The following ADCY3 variants were observed in gnomAD, a reference collection of about 807,000 sequenced individuals.
ADCY3 encodes adenylate cyclase type 3.
Under a neutral mutation model 119.4 loss-of-function variants are expected in ADCY3, and 70 were observed. That is an observed-to-expected ratio of 0.59 (90% CI 0.48 to 0.72). The LOEUF (loss-of-function observed/expected upper bound fraction) is 0.72, where lower values mean the gene tolerates loss of function less well. Among genes scored for constraint, ADCY3 ranks in the 30% least tolerant of loss-of-function variants. The probability of loss-of-function intolerance (pLI) is 0.00; values close to 1 mark genes in which losing one functional copy is unlikely to be tolerated. For synonymous variants in ADCY3, 672 were observed against 621.4 expected, an observed-to-expected ratio of 1.08 and a Z score of -1.21; for missense variants, 1,238 against 1,541.6, an observed-to-expected ratio of 0.80 and a Z score of 3.30.
At position 24,898,268 on chromosome 2, in the gene ADCY3, C is replaced by T. The variant is rs960361601; in HGVS notation, c.675+20045G>A. On this transcript the variant is annotated intron_variant, in intron 2 of 21. Transcript: ENST00000679454. This position sits in a 1 kb window ranked among gnomAD's most constrained non-coding sequence, Gnocchi z 4.3. ...TCTCTCCACTCTCCCAGTTCGTGCG[C>T]CACAGAGGCCCCCGGGGAGGCTCGA... Among the ~76,000 whole-genome samples the T allele has an allele frequency of 6.6e-6, 1 of 152,132 alleles. No homozygotes were observed. Among genetic ancestry groups the T allele is most frequent in the Admixed American group, 6.6e-5 (1 of 15,264 alleles).
rs899046003 is a variant in ADCY3 at position 24,898,443 on chromosome 2, G to A, written c.675+19870C>T. ...GGCTGTCCTCGGGGAGAGGGGCTTC[G>A]TGTACTTCACACAGTGCTTCATGAA... On this transcript the variant is annotated intron_variant, in intron 2 of 21. Coordinates refer to ENST00000679454, the MANE Select transcript of ADCY3 (RefSeq NM_004036.5). The surrounding 1 kb of genome is among the most constrained non-coding windows in gnomAD (Gnocchi z 4.3). Among the ~76,000 whole-genome samples, 1 of 152,126 alleles carries A rather than the reference G, an allele frequency of 6.6e-6. No homozygotes were observed. The highest frequency in any genetic ancestry group is 1.5e-5 in the Non-Finnish European group (1 of 68,034).
At chr2:24,901,444 G>A (rs928078023) in intron 2 of ADCY3, among the ~76,000 whole-genome samples, 1 of 152,186 alleles carries the variant, frequency 6.6e-6, no homozygotes, top group Admixed American at 6.5e-5. Flanking sequence ...AGTAAAGTGA[G>A]TATTTTGAAC....
chr2:24,887,372 C>T (rs1487488534), intron 2 of ADCY3, among the ~76,000 whole-genome samples: 2 of 152,126 alleles, frequency 1.3e-5, no homozygotes, highest in East Asian at 1.9e-4. Flanking sequence ...AAAGCCTAAC[C>T]GTATCACTTA....
At position 24,828,179 on chromosome 2, in the gene ADCY3, G is replaced by A. The variant is rs780483152; in HGVS notation, c.2173-18C>T. On this transcript the variant is annotated intron_variant, in intron 13 of 21. Transcript: ENST00000679454. ...CAGCTGAGCTGGAGGCCAGGACGGC[G>A]GGCAGGGACACACGTTCAAGAGAAC... 12 of 1,610,960 alleles carry A rather than the reference G, an allele frequency of 7.4e-6. No homozygotes were observed. The highest frequency in any genetic ancestry group is 3.3e-5 in the Admixed American group (2 of 59,990).
intron 2 of ADCY3, among the ~76,000 whole-genome samples, chr2:24,882,369 T>C (rs1169577537): frequency 6.6e-6 from 1 of 152,158 alleles, no homozygotes; most frequent in African/African-American, 2.4e-5. Flanking sequence ...AGGGCAGAAA[T>C]CACACTTGGC....
At chr2:24,848,853 C>T (rs1649645383) in intron 3 of ADCY3, among the ~76,000 whole-genome samples, 1 of 152,178 alleles carries the variant, frequency 6.6e-6, no homozygotes, top group African/African-American at 2.4e-5. Context: ...CCAGGGTCAG[C>T]ACAAACCCTC....
At chr2:24,882,382 G>A (rs914050996) in intron 2 of ADCY3, among the ~76,000 whole-genome samples, 10 of 152,164 alleles carry the variant, frequency 6.6e-5, no homozygotes, top group East Asian at 3.9e-4. Flanking sequence ...CACTTGGCCC[G>A]TCTCTGGGAA....
rs578200802 is a variant in ADCY3, at chr2:24,851,332, G to A, written c.826-8948C>T. On this transcript the variant is annotated intron_variant, in intron 3 of 21. Transcript: ENST00000679454. The stretch of plus-strand genomic sequence containing the variant: ...AGAACGGTCACCCTGGGCTGGCTTC[G>A]CTCTGTAGCTCTCATGAACCCAGCA... Among the ~76,000 whole-genome samples the A allele has an allele frequency of 3.9e-4, 60 of 152,274 alleles. 1 individual carries two copies. Among genetic ancestry groups the A allele is most frequent in the South Asian group, 8.3e-4 (4 of 4,828 alleles).
chr2:24,841,375 C>A lies in ADCY3; in HGVS notation c.1080G>T (p.Gln360His), dbSNP rs1670992780. 1 of 1,610,126 alleles carries A rather than the reference C, an allele frequency of 6.2e-7. No individual in the cohort carries two copies. The change falls in exon 6 of 22, where the codon CAG becomes CAT. Residue 360 changes from glutamine to histidine, a missense_variant. By Grantham distance (24) the Gln-to-His change is conservative (BLOSUM62 0). Coordinates refer to ENST00000679454, the MANE Select transcript of ADCY3 (RefSeq NM_004036.5). The surrounding 1 kb of genome is among the most constrained non-coding windows in gnomAD (Gnocchi z 5.8). The stretch of plus-strand genomic sequence containing the variant: ...AGTCGCCCAGGATCTTAATCCGCAG[C>A]TGGTGGTATTTCTGAAAGGGGAGGG... ...RFDKLAAKYH[Q>H]LRIKILGDCY...
chr2:24,827,867 AGAC>A (rs1255650057), intron 14 of ADCY3, 32 bp downstream of exon 14: 1 of 1,611,960 alleles, frequency 6.2e-7, no homozygotes, highest in East Asian at 2.2e-5. Context: ...GGGAGGAAGG[AGAC>A]AATACAGATC....
intron 20 of ADCY3, chr2:24,821,055 C>A (rs560603340): frequency 6.3e-5 from 41 of 651,284 alleles, no homozygotes; most frequent in South Asian, 1.5e-4. Context: ...CCACCCCCCC[C>A]CCATATGCAG....
At chr2:24,903,149 C>T in intron 2 of ADCY3, among the ~76,000 whole-genome samples, 1 of 95,460 alleles carries the variant, frequency 1.0e-5, no homozygotes, top group East Asian at 3.2e-4. Flanking sequence ...ACTCTATCTC[C>T]AAAAAAAAAA....
chr2:24,875,954 T>A (rs1387798025), intron 2 of ADCY3, among the ~76,000 whole-genome samples: 8 of 149,970 alleles, frequency 5.3e-5, no homozygotes, highest in Admixed American at 5.3e-4. Context: ...CACAACCCCA[T>A]CTTTTCCCAG....
chr2:24,890,566 C>T (rs1032867895), intron 2 of ADCY3, among the ~76,000 whole-genome samples: 1 of 152,152 alleles, frequency 6.6e-6, no homozygotes, highest in Non-Finnish European at 1.5e-5. Flanking sequence ...TTGTCTAAGT[C>T]GTTCAATGTA....
chr2:24,892,854 G>A (rs1172838831), intron 2 of ADCY3, among the ~76,000 whole-genome samples: 3 of 151,812 alleles, frequency 2.0e-5, no homozygotes, highest in Non-Finnish European at 4.4e-5. Flanking sequence ...GGTAGAGATG[G>A]GGTTTTGCCA....
intron 17 of ADCY3, 90 bp from the exon 18 acceptor site, chr2:24,823,445 T>A: frequency 6.9e-7 from 1 of 1,448,400 alleles, no homozygotes; most frequent in Non-Finnish European, 9.3e-7. Context: ...ATGCATGACA[T>A]GTGCACTCAG....
intron 2 of ADCY3, among the ~76,000 whole-genome samples, chr2:24,912,166 C>T (rs977908501): frequency 1.3e-4 from 20 of 151,832 alleles, no homozygotes; most frequent in Non-Finnish European, 2.2e-4. Flanking sequence ...TTATCAAGAA[C>T]GTGTAATTTG....
At chr2:24,853,349 C>T in intron 3 of ADCY3, among the ~76,000 whole-genome samples, 1 of 152,144 alleles carries the variant, frequency 6.6e-6, no homozygotes, top group East Asian at 1.9e-4. Context: ...GGGCAGCGCC[C>T]AGGGGGCAGG....
rs1446341182 is a variant in ADCY3 at position 24,919,072 on chromosome 2, C to G, written c.-85G>C. ...GGACTGGGCCTCCTCTCAGGGCTCT[C>G]TGAGACCGGGGGAGGGCTGAGGGCC... On this transcript the variant is annotated 5_prime_UTR_variant, in exon 2 of 22. Coordinates refer to ENST00000679454, the MANE Select transcript of ADCY3 (RefSeq NM_004036.5). This position sits in a 1 kb window ranked among gnomAD's most constrained non-coding sequence, Gnocchi z 5.5. 3 of 1,388,800 alleles carry G rather than the reference C, an allele frequency of 2.2e-6. No individual in the cohort carries two copies. The African/African-American group carries it at 4.3e-5, about 20-fold the overall frequency. The allele number at this position is 1,388,800 out of a possible 1,614,324, so 86.0% of individuals were successfully genotyped here. A position where few individuals can be genotyped will look rare whatever the true frequency, so the allele number is the denominator to read the frequency against.
Sources: allele counts gnomAD v4.1 joint callset (sites outside exome capture counted in the v4.1 genomes callset), GRCh38; gene constraint gnomAD v4.1.1; non-coding constraint Gnocchi (gnomAD v3.1); transcripts MANE v1.5; gene names NCBI Gene and HGNC (gene_info 2026-07-23, HGNC 2026-07-21).